The following NUBPL variants were observed in gnomAD, a reference collection of about 807,000 sequenced individuals.
The protein encoded by NUBPL is NUBP iron-sulfur cluster assembly factor, mitochondrial, also known as iron-sulfur cluster transfer protein NUBPL.
In NUBPL, 31 loss-of-function variants were observed where a neutral mutation model predicts 45.7. That is an observed-to-expected ratio of 0.68 (90% CI 0.51 to 0.92). The LOEUF is 0.92. Ranked by LOEUF, NUBPL falls within the 40% of genes least tolerant of loss-of-function variation. The pLI, the probability that NUBPL is intolerant of heterozygous loss-of-function variation, is 0.00. For synonymous variants in NUBPL, 144 were observed against 140.9 expected, an observed-to-expected ratio of 1.02 and a Z score of -0.15; for missense variants, 401 against 398.7, an observed-to-expected ratio of 1.01 and a Z score of -0.05.
chr14:31,788,153 G>C (rs1041388543), intron 7 of NUBPL, among the ~76,000 whole-genome samples: 24 of 152,314 alleles, frequency 1.6e-4, no homozygotes, highest in African/African-American at 5.8e-4. Flanking sequence ...AAAAAGAACA[G>C]AGAATTTATT....
At chr14:31,811,377 A>G (rs2039801783) in intron 7 of NUBPL, among the ~76,000 whole-genome samples, 3 of 152,144 alleles carry the variant, frequency 2.0e-5, no homozygotes, top group South Asian at 4.1e-4. Flanking sequence ...TTGATCTTCA[A>G]TCACTGATAC....
intron 9 of NUBPL, among the ~76,000 whole-genome samples, chr14:31,847,085 T>A (rs1037766114): frequency 2.0e-5 from 3 of 152,250 alleles, no homozygotes. Context: ...GTTTGTTCTG[T>A]CAACTATGAT....
chr14:31,683,561 T>C (rs1280702116), intron 6 of NUBPL, among the ~76,000 whole-genome samples: 1 of 151,798 alleles, frequency 6.6e-6, no homozygotes, highest in Admixed American at 6.6e-5. Context: ...CCATTTTGGC[T>C]AGGATGGTCT....
At chr14:31,807,704 A>T (rs2039716898) in intron 7 of NUBPL, among the ~76,000 whole-genome samples, 1 of 152,160 alleles carries the variant, frequency 6.6e-6, no homozygotes, top group African/African-American at 2.4e-5. Context: ...ACCTGTGCTT[A>T]TGTCCTCAAT....
Position 31,806,555 on chromosome 14 carries a change from G to T in NUBPL, c.607+18682G>T, listed in dbSNP as rs143207352. 4.1e-3 allele frequency among the ~76,000 whole-genome samples: 625 copies of T among 152,076 alleles called. 4 individuals carry two copies. The highest frequency in any genetic ancestry group is 0.014 in the African/African-American group (597 of 41,474). ...CTGATCAGTATAAAGATAGATTCAAGACTGGAAAAATACAAGGGTTTTATC... is the reference window on the plus strand; with the variant it reads ...CTGATCAGTATAAAGATAGATTCAATACTGGAAAAATACAAGGGTTTTATC... On this transcript the variant is annotated intron_variant, in intron 7 of 10. Transcript: ENST00000281081.
chr14:31,761,965 C>G (rs1049813236), intron 6 of NUBPL, among the ~76,000 whole-genome samples: 55 of 152,080 alleles, frequency 3.6e-4, no homozygotes, highest in African/African-American at 1.2e-3. Flanking sequence ...TCCTAGGTGC[C>G]TTTACATTGT....
chr14:31,736,975 A>C (rs183416913), intron 6 of NUBPL, among the ~76,000 whole-genome samples: 1 of 152,138 alleles, frequency 6.6e-6, no homozygotes, highest in East Asian at 1.9e-4. Context: ...CATCTTTGTG[A>C]AATGGTGGTT....
intron 7 of NUBPL, among the ~76,000 whole-genome samples, chr14:31,793,319 A>C (rs2039416847): frequency 6.6e-6 from 1 of 152,148 alleles, no homozygotes; most frequent in Non-Finnish European, 1.5e-5. Flanking sequence ...CTCCCCAGTC[A>C]GTGAGTACTC....
intron 4 of NUBPL, among the ~76,000 whole-genome samples, chr14:31,660,853 A>G (rs2036251545): frequency 6.6e-6 from 1 of 152,194 alleles, no homozygotes; most frequent in South Asian, 2.1e-4. Flanking sequence ...CATCTACTAC[A>G]TAGTTGATTC....
intron 6 of NUBPL, among the ~76,000 whole-genome samples, chr14:31,716,743 A>T (rs1215887085): frequency 6.6e-6 from 1 of 152,186 alleles, no homozygotes; most frequent in Non-Finnish European, 1.5e-5. Flanking sequence ...CAAAGTCCCA[A>T]AGTCCAGATT....
Position 31,694,366 on chromosome 14 carries a change from G to A in NUBPL, c.513+20792G>A, listed in dbSNP as rs185307217. 6.0e-3 allele frequency among the ~76,000 whole-genome samples: 911 copies of A among 152,264 alleles called. 6 individuals carry two copies. Among genetic ancestry groups the A allele is most frequent in the Non-Finnish European group, 8.4e-3 (570 of 68,026 alleles). On this transcript the variant is annotated intron_variant, in intron 6 of 10. Coordinates refer to ENST00000281081, the MANE Select transcript of NUBPL (RefSeq NM_025152.3). ...TGTATAAGGCAGTATTATTTGGTGA[G>A]TAGCTTAGTTTGATTAATCTAACAG...
At chr14:31,804,463 A>G (rs1217912033) in intron 7 of NUBPL, among the ~76,000 whole-genome samples, 1 of 152,144 alleles carries the variant, frequency 6.6e-6, no homozygotes, top group Non-Finnish European at 1.5e-5. Flanking sequence ...GTCTAGACCA[A>G]CCCATCTGAT....
At chr14:31,633,118 G>A (rs564070318) in intron 4 of NUBPL, among the ~76,000 whole-genome samples, 3 of 152,274 alleles carry the variant, frequency 2.0e-5, no homozygotes, top group East Asian at 3.9e-4. Flanking sequence ...CAGGAAAGAT[G>A]CTGCTGCTTT....
intron 3 of NUBPL, among the ~76,000 whole-genome samples, chr14:31,566,301 AAAC>A (rs2033431962): frequency 6.6e-6 from 1 of 152,172 alleles, no homozygotes; most frequent in Admixed American, 6.5e-5. Context: ...GGAAACTAAT[AAAC>A]AAGATTTATA....
chr14:31,786,678 A>G (rs114940342), intron 6 of NUBPL, among the ~76,000 whole-genome samples: 2,123 of 152,336 alleles, frequency 0.014, 45 homozygotes, highest in African/African-American at 0.048. Context: ...ATGAATGAAC[A>G]GGTGATTAGG....
chr14:31,679,503 ATCATTTGTTTGAAAGACT>A (rs2036779608), intron 6 of NUBPL, among the ~76,000 whole-genome samples: 1 of 152,154 alleles, frequency 6.6e-6, no homozygotes. Flanking sequence ...TTATGTTAGC[ATCATTTGTTTGAAAGACT>A]TCCCTTTCCC....
intron 4 of NUBPL, among the ~76,000 whole-genome samples, chr14:31,612,164 A>G (rs1258763535): frequency 6.6e-6 from 1 of 152,226 alleles, no homozygotes; most frequent in East Asian, 1.9e-4. Context: ...TGCAAACTAC[A>G]CATCTGACAA....
At chr14:31,563,075 T>A (rs1279830198) in intron 2 of NUBPL, among the ~76,000 whole-genome samples, 1 of 152,182 alleles carries the variant, frequency 6.6e-6, no homozygotes, top group Non-Finnish European at 1.5e-5. Flanking sequence ...CTGTTCTTAA[T>A]GAATTCATGT....
At position 31,826,505 on chromosome 14, in the gene NUBPL, A is replaced by C. The variant is rs188349652; in HGVS notation, c.608-124A>C. 349 of 824,556 alleles carry C rather than the reference A, an allele frequency of 4.2e-4. 3 individuals are homozygous for C. In the East Asian group the frequency reaches 8.7e-3, roughly 20 times the overall value. The allele number at this position is 824,556 out of a possible 1,614,324, so 51.1% of individuals were successfully genotyped here. ...TGTCTTTCTCATTCATGTGTGTAAA[A>C]TGTATATGAATGACCTAAATAGTTA... On this transcript the variant is annotated intron_variant, in intron 7 of 10. Transcript: ENST00000281081.
Sources: allele counts gnomAD v4.1 joint callset (sites outside exome capture counted in the v4.1 genomes callset), GRCh38; gene constraint gnomAD v4.1.1; transcripts MANE v1.5; gene names NCBI Gene and HGNC (gene_info 2026-07-23, HGNC 2026-07-21).